Variants in RBFOX3 observed in about 807,000 individuals in gnomAD.
The protein encoded by RBFOX3 is RNA binding protein fox-1 homolog 3.
RBFOX3 carries 17 observed loss-of-function variants against 48.7 expected under a neutral mutation model. The observed-to-expected ratio is 0.35, with a 90% CI of 0.24 to 0.52. The LOEUF (loss-of-function observed/expected upper bound fraction) is 0.52. RBFOX3 is among the 20% of genes least tolerant of loss of function. The pLI is 0.94. For synonymous variants in RBFOX3, 212 were observed against 209.5 expected (o/e 1.01, Z -0.10); for missense variants, 382 against 497.5 (o/e 0.77, Z 2.21).
chr17:79,654,931 C>T, the RBFOX3 span, among the ~76,000 whole-genome samples: 2 of 152,196 alleles, frequency 1.3e-5, no homozygotes, highest in Non-Finnish European at 2.9e-5. Context: ...TAAGATCTGA[C>T]TCCGCGGAAG....
intron 2 of RBFOX3, among the ~76,000 whole-genome samples, chr17:79,368,243 C>T (rs1264930154): frequency 1.3e-5 from 2 of 152,130 alleles, no homozygotes; most frequent in Non-Finnish European, 2.9e-5. Context: ...TGAGCCTTAT[C>T]TAAAGCAAAG....
At chr17:79,611,403 C>T (rs1740378042), upstream of RBFOX3, among the ~76,000 whole-genome samples, 1 of 151,860 alleles carries the variant, frequency 6.6e-6, no homozygotes, top group Admixed American at 6.5e-5. Context: ...CAGCACCCTG[C>T]AGCCTTCAGC....
intron 4 of RBFOX3, among the ~76,000 whole-genome samples, chr17:79,131,149 G>T (rs879841551): frequency 6.6e-6 from 1 of 151,718 alleles, no homozygotes; most frequent in Non-Finnish European, 1.5e-5. Flanking sequence ...GTGTGCTTGT[G>T]TGTACCGTGT....
intron 14 of RBFOX3, chr17:79,091,831 C>T (rs1410814166): frequency 1.8e-5 from 9 of 504,388 alleles, no homozygotes; most frequent in East Asian, 3.0e-4. Flanking sequence ...GCGACCAGGA[C>T]GTGCCTTTCC....
In RBFOX3 at chr17:79,476,141, G is replaced by A. The variant is rs1035418663; in HGVS notation, c.-175+6313C>T. On this transcript the variant is annotated intron_variant, in intron 2 of 14. Coordinates refer to ENST00000693108, the MANE Select transcript of RBFOX3 (RefSeq NM_001350451.2). ...TCCTTGGATTATTTCCATCTGGGGA[G>A]CAGCGGCAGGGCCCTCCCTTCCCGC... is the stretch of plus-strand genomic sequence containing the variant. Among the ~76,000 whole-genome samples the A allele has an allele frequency of 1.1e-3, 173 of 152,206 alleles. 2 individuals are homozygous for A. The highest frequency in any genetic ancestry group is 6.2e-3 in the Admixed American group (94 of 15,282).
Position 79,342,020 on chromosome 17 carries a change from T to C in RBFOX3, c.-174-34196A>G, listed in dbSNP as rs545782727. ...ATGGCTGGCCCCCTCCCCGGCCCCC[T>C]CCCAGCCTCCCTGTGAGCTGGGGGC... On this transcript the variant is annotated intron_variant, in intron 2 of 14. Transcript: ENST00000693108. Among the ~76,000 whole-genome samples, 507 of 152,320 alleles carry C rather than the reference T, an allele frequency of 3.3e-3. 3 individuals are homozygous for C. The highest frequency in any genetic ancestry group is 0.012 in the African/African-American group (485 of 41,592).
intron 2 of RBFOX3, among the ~76,000 whole-genome samples, chr17:79,312,595 C>T (rs1412810130): frequency 6.6e-6 from 1 of 152,080 alleles, no homozygotes; most frequent in Non-Finnish European, 1.5e-5. Flanking sequence ...GTGACAGGTG[C>T]CTTCCTGGGA....
At chr17:79,115,378 T>C (rs1278240156) in intron 5 of RBFOX3, 116 bp downstream of exon 5, 2 of 583,210 alleles carry the variant, frequency 3.4e-6, no homozygotes, top group Non-Finnish European at 5.1e-6. Context: ...ACAGAGGCCC[T>C]GCCCAGGCCC....
intron 4 of RBFOX3, among the ~76,000 whole-genome samples, chr17:79,160,165 A>G (rs2046683220): frequency 6.6e-6 from 1 of 152,376 alleles, no homozygotes; most frequent in East Asian, 1.9e-4. Context: ...ATTAGCAGAC[A>G]TAGCTCCAGG....
At chr17:79,104,914 G>C (rs2077085026) in intron 6 of RBFOX3, among the ~76,000 whole-genome samples, 1 of 6,054 alleles carries the variant, frequency 1.7e-4, no homozygotes, top group Non-Finnish European at 8.1e-4. Flanking sequence ...CTGGCGTGCG[G>C]TGCTGAGCAA....
chr17:79,651,644 C>CTG, the RBFOX3 span, among the ~76,000 whole-genome samples: 5 of 134,456 alleles, frequency 3.7e-5, no homozygotes, highest in Non-Finnish European at 8.2e-5. Flanking sequence ...CTCTCTCTCT[C>CTG]TCTGTCTCTC....
At chr17:79,161,638 C>T (rs2047003002) in intron 4 of RBFOX3, among the ~76,000 whole-genome samples, 1 of 152,186 alleles carries the variant, frequency 6.6e-6, no homozygotes, top group African/African-American at 2.4e-5. Flanking sequence ...CTCTGTCACC[C>T]AGGCTGGAGT....
chr17:79,521,089 G>A (rs2086001480), intron 1 of RBFOX3, among the ~76,000 whole-genome samples: 1 of 152,186 alleles, frequency 6.6e-6, no homozygotes, highest in African/African-American at 2.4e-5. Flanking sequence ...AGGATGGGGG[G>A]CATGAGAGAC....
rs565685384 is a variant in RBFOX3, at chr17:79,164,604, G to A, written c.-33-48856C>T. On this transcript the variant is annotated intron_variant, in intron 4 of 14. Transcript: ENST00000693108. Reference sequence around the variant, plus strand: ...CCCTTGGTGGGAGGCCCAGCGTCAGGTGCGGCCACAGCACGGCGGAGCAAA... The same window carrying A: ...CCCTTGGTGGGAGGCCCAGCGTCAGATGCGGCCACAGCACGGCGGAGCAAA... Among the ~76,000 whole-genome samples the A allele has an allele frequency of 2.8e-4, 43 of 152,350 alleles. No homozygotes were observed. In the East Asian group the frequency reaches 6.4e-3, roughly 23 times the overall value.
chr17:79,105,832 G>A (rs551017696), intron 6 of RBFOX3, among the ~76,000 whole-genome samples: 24 of 152,228 alleles, frequency 1.6e-4, no homozygotes, highest in South Asian at 4.1e-4. Context: ...AAACACGGCC[G>A]GGCTGCGTGG....
chr17:79,329,931 G>T (rs1275455737), intron 2 of RBFOX3, among the ~76,000 whole-genome samples: 3 of 152,174 alleles, frequency 2.0e-5, no homozygotes, highest in African/African-American at 7.2e-5. Context: ...TCTGTCCAGA[G>T]TGGAAGAAAT....
In RBFOX3 at chr17:79,390,769, G is replaced by A. The variant is rs2061289577; in HGVS notation, c.-174-82945C>T. 6.6e-6 allele frequency among the ~76,000 whole-genome samples: 1 copy of A among 152,214 alleles called. No homozygotes were observed. Among genetic ancestry groups the A allele is most frequent in the Non-Finnish European group, 1.5e-5 (1 of 68,042 alleles). On this transcript the variant is annotated intron_variant, in intron 2 of 14. Coordinates refer to ENST00000693108, the MANE Select transcript of RBFOX3 (RefSeq NM_001350451.2). The surrounding 1 kb of genome is among the most constrained non-coding windows in gnomAD (Gnocchi z 4.2). Reference sequence around the variant, plus strand: ...GGCCCATTCAAAGTTTGCCAGAGGCGAGTTCAGGGTGGGGATCCTGGCAGT... The same window carrying A: ...GGCCCATTCAAAGTTTGCCAGAGGCAAGTTCAGGGTGGGGATCCTGGCAGT...
intron 1 of RBFOX3, among the ~76,000 whole-genome samples, chr17:79,608,969 A>G (rs1163430121): frequency 9.3e-6 from 1 of 107,432 alleles, no homozygotes; most frequent in African/African-American, 3.7e-5. Context: ...GCCGGCGCTC[A>G]GTGACCTGGG....
intron 4 of RBFOX3, among the ~76,000 whole-genome samples, chr17:79,177,699 C>T (rs925439234): frequency 6.6e-6 from 1 of 152,220 alleles, no homozygotes; most frequent in East Asian, 1.9e-4. Context: ...GCTTCCTAGA[C>T]CCTCCATGGG....
Sources: allele counts gnomAD v4.1 joint callset (sites outside exome capture counted in the v4.1 genomes callset), GRCh38; gene constraint gnomAD v4.1.1; non-coding constraint Gnocchi (gnomAD v3.1); transcripts MANE v1.5; gene names NCBI Gene and HGNC (gene_info 2026-07-23, HGNC 2026-07-21).